Variants in NKAIN3 observed in about 807,000 individuals in gnomAD.
NKAIN3 encodes the protein sodium/potassium transporting ATPase interacting 3.
Under a neutral mutation model 30.2 loss-of-function variants are expected in NKAIN3, and 25 were observed. The observed-to-expected ratio is 0.83, with a 90% CI of 0.60 to 1.16. NKAIN3 has a LOEUF of 1.16. Ranked by LOEUF, NKAIN3 falls within the 50% of genes most tolerant of loss-of-function variation. NKAIN3 has a pLI of 0.00. For synonymous variants in NKAIN3, 91 were observed against 89.6 expected, an observed-to-expected ratio of 1.02 and a Z score of -0.09; for missense variants, 225 against 254.1, an observed-to-expected ratio of 0.89 and a Z score of 0.78.
At chr8:62,419,571 G>A (rs1041668122) in intron 1 of NKAIN3, among the ~76,000 whole-genome samples, 3 of 152,296 alleles carry the variant, frequency 2.0e-5, no homozygotes, top group African/African-American at 4.8e-5. Flanking sequence ...GCTGCTAATA[G>A]GTTGTACATT....
chr8:62,361,041 G>A (rs1001931676), intron 1 of NKAIN3, among the ~76,000 whole-genome samples: 3 of 151,502 alleles, frequency 2.0e-5, no homozygotes, highest in East Asian at 1.9e-4. Context: ...ATGGCAGAAG[G>A]ACAAGAGCCA....
rs545498297 is a variant in NKAIN3 at position 62,327,575 on chromosome 8, T to C, written c.54+78448T>C. ...AGCACCATTTTTTGAGGACTGGCCT[T>C]TCCCCATTGAATAGCCTTACCACTC... On this transcript the variant is annotated intron_variant, in intron 1 of 6. Transcript: ENST00000623646. 2.0e-5 allele frequency among the ~76,000 whole-genome samples: 3 copies of C among 152,086 alleles called. No homozygotes were observed. The East Asian group carries it at 5.8e-4, about 29-fold the overall frequency.
chr8:62,523,631 GA>G (rs1563438958), intron 1 of NKAIN3, among the ~76,000 whole-genome samples: 1 of 152,104 alleles, frequency 6.6e-6, no homozygotes, highest in Non-Finnish European at 1.5e-5. Flanking sequence ...GCAGGAGAAG[GA>G]AAATGGTTAG....
chr8:62,534,546 C>T (rs1184493557), intron 1 of NKAIN3, among the ~76,000 whole-genome samples: 1 of 152,132 alleles, frequency 6.6e-6, no homozygotes, highest in African/African-American at 2.4e-5. Context: ...CTGTAAAACG[C>T]ATCAGCTGTT....
intron 1 of NKAIN3, among the ~76,000 whole-genome samples, chr8:62,426,539 C>T (rs889762601): frequency 6.6e-6 from 1 of 151,900 alleles, no homozygotes. Flanking sequence ...GGGGATGTTA[C>T]CCTTTGAAAA....
intron 1 of NKAIN3, among the ~76,000 whole-genome samples, chr8:62,278,839 A>G (rs895802595): frequency 6.6e-6 from 1 of 152,220 alleles, no homozygotes; most frequent in African/African-American, 2.4e-5. Flanking sequence ...CAATAAACAC[A>G]CGTATGCATG....
intron 1 of NKAIN3, among the ~76,000 whole-genome samples, chr8:62,560,697 G>A (rs1189575444): frequency 4.0e-5 from 6 of 150,998 alleles, no homozygotes; most frequent in East Asian, 1.9e-4. Context: ...CCACCACCAC[G>A]CCTGGCTAAT....
chr8:62,626,041 G>A (rs1811777602), intron 3 of NKAIN3, among the ~76,000 whole-genome samples: 1 of 152,048 alleles, frequency 6.6e-6, no homozygotes, highest in Non-Finnish European at 1.5e-5. Context: ...CTTCATGTGT[G>A]CTTTATTTTT....
chr8:62,892,742 T>C (rs1563615269), intron 4 of NKAIN3, among the ~76,000 whole-genome samples: 1 of 152,196 alleles, frequency 6.6e-6, no homozygotes, highest in Non-Finnish European at 1.5e-5. Context: ...TAGGTCATTG[T>C]TTATTCACAC....
At chr8:62,530,452 T>A (rs528220170) in intron 1 of NKAIN3, among the ~76,000 whole-genome samples, 4 of 152,228 alleles carry the variant, frequency 2.6e-5, no homozygotes, top group Admixed American at 2.6e-4. Flanking sequence ...ACTCACTGGC[T>A]CTGCTGCTGT....
intron 3 of NKAIN3, among the ~76,000 whole-genome samples, chr8:62,661,117 T>C (rs1241040772): frequency 2.0e-5 from 3 of 152,182 alleles, no homozygotes; most frequent in Non-Finnish European, 4.4e-5. Context: ...CATTATTCAG[T>C]TTTTTGAAAG....
chr8:62,871,648 A>C (rs1820650682), intron 4 of NKAIN3, among the ~76,000 whole-genome samples: 1 of 152,252 alleles, frequency 6.6e-6, no homozygotes, highest in African/African-American at 2.4e-5. Flanking sequence ...CTGGGGGCCA[A>C]GCCCAAGGAA....
At chr8:62,704,645 G>A (rs889662674) in intron 3 of NKAIN3, among the ~76,000 whole-genome samples, 9 of 152,132 alleles carry the variant, frequency 5.9e-5, no homozygotes, top group African/African-American at 2.2e-4. Flanking sequence ...CTCTCCAGCT[G>A]GTCAGATATC....
chr8:62,777,291 A>G (rs1157427007), intron 4 of NKAIN3, among the ~76,000 whole-genome samples: 3 of 152,096 alleles, frequency 2.0e-5, no homozygotes, highest in African/African-American at 7.2e-5. Flanking sequence ...TTTTAACCCT[A>G]TCTCTCTGTC....
At chr8:62,897,881 C>T (rs868162225) in intron 4 of NKAIN3, among the ~76,000 whole-genome samples, 5 of 152,116 alleles carry the variant, frequency 3.3e-5, no homozygotes, top group African/African-American at 4.8e-5. Context: ...CACAAGTTGA[C>T]GCAGCCTAAG....
intron 4 of NKAIN3, among the ~76,000 whole-genome samples, chr8:62,840,269 T>C (rs919868874): frequency 2.6e-5 from 4 of 152,024 alleles, no homozygotes; most frequent in African/African-American, 7.2e-5. Context: ...GACCTGGTCA[T>C]GTACTTAGTG....
chr8:62,878,192 T>C (rs1820859503), intron 4 of NKAIN3, among the ~76,000 whole-genome samples: 1 of 152,234 alleles, frequency 6.6e-6, no homozygotes, highest in Non-Finnish European at 1.5e-5. Context: ...TAAGGAAATA[T>C]GTAGATTAGA....
chr8:62,872,040 A>G (rs1217008743), intron 4 of NKAIN3, among the ~76,000 whole-genome samples: 1 of 152,232 alleles, frequency 6.6e-6, no homozygotes, highest in Non-Finnish European at 1.5e-5. Context: ...CTATGTTTAG[A>G]TAAGTTTTGA....
intron 3 of NKAIN3, among the ~76,000 whole-genome samples, chr8:62,702,609 G>A (rs1161642972): frequency 2.0e-5 from 3 of 152,034 alleles, no homozygotes; most frequent in Middle Eastern, 3.2e-3. Flanking sequence ...TTTTCTAGAT[G>A]GTTTCAAATT....
Sources: gnomAD v4.1 joint callset for allele counts (sites outside exome capture counted in the v4.1 genomes callset) on GRCh38, gnomAD v4.1.1 for gene constraint, MANE v1.5 for transcripts, NCBI Gene and HGNC (gene_info 2026-07-23, HGNC 2026-07-21) for gene names.